The following LRRC20 variants were observed in gnomAD, a reference collection of about 807,000 sequenced individuals.
LRRC20 encodes leucine-rich repeat-containing protein 20.
A neutral mutation model predicts 14.4 loss-of-function variants in LRRC20; 11 were observed. The observed-to-expected ratio is 0.77, with a 90% CI of 0.48 to 1.27. The LOEUF (loss-of-function observed/expected upper bound fraction) is 1.27, where lower values mean the gene tolerates loss of function less well. LRRC20 is among the 50% of genes most tolerant of loss of function. The pLI is 0.00. For synonymous variants in LRRC20, 121 were observed against 107.3 expected, an observed-to-expected ratio of 1.13 and a Z score of -0.79; for missense variants, 219 against 251.2, an observed-to-expected ratio of 0.87 and a Z score of 0.87.
intron 2 of LRRC20, among the ~76,000 whole-genome samples, chr10:70,373,299 A>T (rs1844383081): frequency 6.6e-6 from 1 of 151,996 alleles, no homozygotes; most frequent in African/African-American, 2.4e-5. Flanking sequence ...AATATCTCCC[A>T]CCTCTGAATT....
intron 4 of LRRC20, among the ~76,000 whole-genome samples, chr10:70,302,252 G>A (rs1396491000): frequency 6.6e-6 from 1 of 152,110 alleles, no homozygotes; most frequent in African/African-American, 2.4e-5. Context: ...GGCGGAGGTT[G>A]CAGTGAGGGG....
intron 2 of LRRC20, 37 bp from the exon 3 acceptor site, chr10:70,340,739 G>T: frequency 1.2e-6 from 2 of 1,610,388 alleles, no homozygotes; most frequent in East Asian, 2.2e-5. Flanking sequence ...AGAGTTATCA[G>T]CCACAGCTGC....
intron 3 of LRRC20, among the ~76,000 whole-genome samples, chr10:70,335,347 G>A (rs1842691233): frequency 6.6e-6 from 1 of 152,176 alleles, no homozygotes; most frequent in African/African-American, 2.4e-5. Context: ...TCTCCATGGA[G>A]GCCCCAGGCT....
At chr10:70,365,994 C>T (rs1459027794) in intron 2 of LRRC20, among the ~76,000 whole-genome samples, 4 of 145,426 alleles carry the variant, frequency 2.8e-5, no homozygotes, top group South Asian at 2.3e-4. Flanking sequence ...GCGTGAACAC[C>T]GGGAGGTAGA....
At chr10:70,313,792 A>T (rs1841753057) in intron 4 of LRRC20, among the ~76,000 whole-genome samples, 1 of 152,166 alleles carries the variant, frequency 6.6e-6, no homozygotes, top group African/African-American at 2.4e-5. Context: ...TACAGATAAC[A>T]TCACAACTGT....
In LRRC20 at chr10:70,300,903, G is replaced by C; in HGVS notation, c.*451C>G. 1.0e-6 allele frequency: 1 copy of C among 989,600 alleles called. No individual in the cohort carries two copies. The highest frequency in any genetic ancestry group is 1.2e-6 in the Non-Finnish European group (1 of 832,920). The allele number at this position is 989,600 out of a possible 1,614,324, so 61.3% of individuals were successfully genotyped here. A position where few individuals can be genotyped will look rare whatever the true frequency, so the allele number is the denominator to read the frequency against. Reference sequence around the variant, plus strand: ...AGATGGAGGTTGTCTTCTCTTCTCAGGGCAGCAACTGGCTCTCAGCACTAA... The same window carrying C: ...AGATGGAGGTTGTCTTCTCTTCTCACGGCAGCAACTGGCTCTCAGCACTAA... On this transcript the variant is annotated 3_prime_UTR_variant, in exon 5 of 5. Coordinates refer to ENST00000446961, the MANE Select transcript of LRRC20 (RefSeq NM_001278212.2).
intron 2 of LRRC20, among the ~76,000 whole-genome samples, chr10:70,341,013 T>C (rs1242264161): frequency 2.0e-5 from 3 of 152,206 alleles, no homozygotes; most frequent in Admixed American, 6.5e-5. Flanking sequence ...TAGCAGTGCC[T>C]TTGAGATCCT....
intron 2 of LRRC20, among the ~76,000 whole-genome samples, chr10:70,360,893 G>C (rs1308737438): frequency 6.6e-6 from 1 of 152,156 alleles, no homozygotes; most frequent in Admixed American, 6.5e-5. Context: ...ATGTTAAAGA[G>C]GGTATGGGAA....
At chr10:70,302,449 G>A (rs948708867) in intron 4 of LRRC20, among the ~76,000 whole-genome samples, 3 of 152,216 alleles carry the variant, frequency 2.0e-5, no homozygotes, top group African/African-American at 4.8e-5. Flanking sequence ...GTTCCCAGGG[G>A]CTAGGAGAAG....
intron 4 of LRRC20, among the ~76,000 whole-genome samples, chr10:70,319,173 GAAAA>G (rs11439728): frequency 1.6e-5 from 2 of 125,304 alleles, no homozygotes; most frequent in Non-Finnish European, 1.6e-5. Flanking sequence ...GGTGTATAGG[GAAAA>G]AAAAAAAAAA....
At chr10:70,379,889 T>G (rs1464257594) in intron 1 of LRRC20, among the ~76,000 whole-genome samples, 2 of 152,226 alleles carry the variant, frequency 1.3e-5, no homozygotes, top group Admixed American at 1.3e-4. Flanking sequence ...TCATCAGGCA[T>G]TAGATTCTCC....
At chr10:70,362,104 G>A (rs1843747696) in intron 2 of LRRC20, among the ~76,000 whole-genome samples, 1 of 152,246 alleles carries the variant, frequency 6.6e-6, no homozygotes, top group Admixed American at 6.5e-5. Context: ...AGAATCACTT[G>A]AACCCAGGAG....
At position 70,351,010 on chromosome 10, in the gene LRRC20, C is replaced by T. The variant is rs186230800; in HGVS notation, c.83-10308G>A. On this transcript the variant is annotated intron_variant, in intron 2 of 4. Transcript: ENST00000446961. Reference sequence around the variant, plus strand: ...CCAGCCTGGGCAACACAGTGAGACCCTGTCTCTAGAAAAATAAAAAATTAG... The same window carrying T: ...CCAGCCTGGGCAACACAGTGAGACCTTGTCTCTAGAAAAATAAAAAATTAG... Among the ~76,000 whole-genome samples the T allele has an allele frequency of 2.0e-3, 307 of 152,244 alleles. 2 individuals are homozygous for T. The highest frequency in any genetic ancestry group is 7.0e-3 in the African/African-American group (292 of 41,552).
intron 2 of LRRC20, among the ~76,000 whole-genome samples, chr10:70,352,914 A>G (rs898202699): frequency 6.6e-6 from 1 of 152,036 alleles, no homozygotes; most frequent in African/African-American, 2.4e-5. Context: ...CTATTTTCCC[A>G]TCCCCCAGCT....
chr10:70,355,365 G>A (rs764242296), intron 2 of LRRC20, among the ~76,000 whole-genome samples: 23 of 152,190 alleles, frequency 1.5e-4, no homozygotes, highest in Middle Eastern at 3.4e-3. Flanking sequence ...TTTTACTCCC[G>A]ATCTCTAGAG....
rs561813632 is a variant in LRRC20, at chr10:70,334,609, T to C, written c.232+5944A>G. On this transcript the variant is annotated intron_variant, in intron 3 of 4. Coordinates refer to ENST00000446961, the MANE Select transcript of LRRC20 (RefSeq NM_001278212.2). ...CACACGTGGACAGCAGCAGCTTTGA[T>C]GGCATGGCCTGAGGAACAGAGGGAC... Among the ~76,000 whole-genome samples the C allele has an allele frequency of 1.1e-4, 17 of 152,232 alleles. No individual in the cohort carries two copies. In the South Asian group the frequency reaches 3.5e-3, roughly 32 times the overall value.
chr10:70,359,625 C>T (rs529191856), intron 2 of LRRC20, among the ~76,000 whole-genome samples: 1 of 152,356 alleles, frequency 6.6e-6, no homozygotes, highest in East Asian at 1.9e-4. Context: ...CAGCTCCCAC[C>T]TCCCTTTCTA....
chr10:70,334,932 C>T (rs1176399754), intron 3 of LRRC20, among the ~76,000 whole-genome samples: 2 of 152,192 alleles, frequency 1.3e-5, no homozygotes, highest in African/African-American at 4.8e-5. Flanking sequence ...GAGCTGCTGC[C>T]TGGAGAGCCC....
intron 2 of LRRC20, among the ~76,000 whole-genome samples, chr10:70,365,173 C>T (rs1166657763): frequency 3.3e-5 from 5 of 151,226 alleles, no homozygotes; most frequent in Non-Finnish European, 5.9e-5. Context: ...GATTCTCCTG[C>T]CTCCGCCTCC....
Sources: gnomAD v4.1 joint callset for allele counts (sites outside exome capture counted in the v4.1 genomes callset) on GRCh38, gnomAD v4.1.1 for gene constraint, MANE v1.5 for transcripts, NCBI Gene and HGNC (gene_info 2026-07-23, HGNC 2026-07-21) for gene names.